The following DOHH variants were observed in gnomAD, a reference collection of about 807,000 sequenced individuals.
DOHH encodes the protein deoxyhypusine hydroxylase, also known as HEAT-like (PBS lyase) repeat containing 1.
Under a neutral mutation model 19.9 loss-of-function variants are expected in DOHH, and 16 were observed. The observed-to-expected ratio is 0.80, with a 90% CI of 0.54 to 1.22. The LOEUF is 1.22. Among genes scored for constraint, DOHH ranks in the 50% most tolerant of loss-of-function variants. The pLI is 0.00. For synonymous variants in DOHH, 233 were observed against 217.0 expected (o/e 1.07, Z -0.65); for missense variants, 460 against 460.6 (o/e 1.00, Z 0.01).
chr19:3,496,390 G>A lies in DOHH; in HGVS notation c.274+151C>T. The A allele has an allele frequency of 8.3e-7, 1 of 1,207,766 alleles. No individual in the cohort carries two copies. The highest frequency in any genetic ancestry group is 1.4e-5 in the South Asian group (1 of 69,012). The allele number at this position is 1,207,766 out of a possible 1,614,324, so 74.8% of individuals were successfully genotyped here. The stretch of plus-strand genomic sequence containing the variant: ...CGCTGGCTTTATTGAGTCGCTGTCT[G>A]GCTGCAGAGCTGCAGGTATTTACTA... On this transcript the variant is annotated intron_variant, in intron 2 of 4. Coordinates refer to ENST00000427575, the MANE Select transcript of DOHH (RefSeq NM_001145165.2). This position sits in a 1 kb window ranked among gnomAD's most constrained non-coding sequence, Gnocchi z 4.8.
chr19:3,498,117 C>T (rs1304439391), intron 1 of DOHH, among the ~76,000 whole-genome samples: 3 of 152,150 alleles, frequency 2.0e-5, no homozygotes, highest in Admixed American at 1.3e-4. Context: ...ACTCCAGCCA[C>T]ACAGGCCTCC....
In DOHH at chr19:3,494,096, G is replaced by T. The variant is rs374317949; in HGVS notation, c.283C>A (p.Leu95Met). ...PMVRHEAGEA[L>M]GAIGDPEVLE... ...ACTTCCGGGTCCCCGATGGCCCCCA[G>T]GGCCTCCCCTGGGAAGAAGCAGCCG... is the stretch of plus-strand genomic sequence containing the variant. Residue 95 changes from leucine to methionine, a missense_variant, in exon 3 of 5, where the codon CTG becomes ATG. By Grantham distance (15) the Leu-to-Met change is conservative. Transcript: ENST00000427575. 217 of 1,613,530 alleles carry T rather than the reference G, an allele frequency of 1.3e-4. No individual in the cohort carries two copies. Among genetic ancestry groups the T allele is most frequent in the Non-Finnish European group, 1.6e-4 (190 of 1,179,662 alleles).
At chr19:3,492,163 C>G in intron 4 of DOHH, 99 bp downstream of exon 4, 2 of 1,140,636 alleles carry the variant, frequency 1.8e-6, no homozygotes, top group Non-Finnish European at 2.3e-6. Context: ...CCCGGGATGC[C>G]GTTCCCGGGG....
At chr19:3,497,610 G>C (rs2082918759) in intron 1 of DOHH, among the ~76,000 whole-genome samples, 1 of 152,130 alleles carries the variant, frequency 6.6e-6, no homozygotes, top group African/African-American at 2.4e-5. Flanking sequence ...TACTGTTGTT[G>C]AAGGTAACCA....
In DOHH at chr19:3,496,586, C is replaced by T. The variant is rs199973947; in HGVS notation, c.229G>A (p.Val77Met). 46 of 1,613,864 alleles carry T rather than the reference C, an allele frequency of 2.9e-5. No individual in the cohort carries two copies. The East Asian group carries it at 4.0e-4, about 14-fold the overall frequency. Reference sequence around the variant, plus strand: ...GGCTCCTGACGGGTGTCTTGCAGCACGTCCACCAGCATGGGGATGGCGCGG... The same window carrying T: ...GGCTCCTGACGGGTGTCTTGCAGCATGTCCACCAGCATGGGGATGGCGCGG... ...DARAIPMLVD[V>M]LQDTRQEPMV... is the part of the protein sequence containing the mutation. Residue 77 changes from valine to methionine, a missense_variant, in exon 2 of 5, where the codon GTG becomes ATG. Val to Met is a conservative substitution (Grantham distance 21). Coordinates refer to ENST00000427575, the MANE Select transcript of DOHH (RefSeq NM_001145165.2). This position sits in a 1 kb window ranked among gnomAD's most constrained non-coding sequence, Gnocchi z 4.8.
intron 3 of DOHH, among the ~76,000 whole-genome samples, chr19:3,493,063 A>G (rs772812183): frequency 6.6e-6 from 1 of 152,256 alleles, no homozygotes; most frequent in Non-Finnish European, 1.5e-5. Context: ...GGCATAACTC[A>G]TAACAGCTAA....
Position 3,496,399 on chromosome 19 carries a change from G to C in DOHH, c.274+142C>G. 1 of 1,261,818 alleles carries C rather than the reference G, an allele frequency of 7.9e-7. No individual in the cohort carries two copies. The highest frequency in any genetic ancestry group is 1.1e-6 in the Non-Finnish European group (1 of 913,412). 78.2% of individuals were successfully genotyped at this position (1,261,818 alleles called of 1,614,324 possible). A position where few individuals can be genotyped will look rare whatever the true frequency, so the allele number is the denominator to read the frequency against. On this transcript the variant is annotated intron_variant, in intron 2 of 4. Coordinates refer to ENST00000427575, the MANE Select transcript of DOHH (RefSeq NM_001145165.2). This position sits in a 1 kb window ranked among gnomAD's most constrained non-coding sequence, Gnocchi z 4.8. ...TATTGAGTCGCTGTCTGGCTGCAGAGCTGCAGGTATTTACTATCTGGTGCT... is the reference window on the plus strand; with the variant it reads ...TATTGAGTCGCTGTCTGGCTGCAGACCTGCAGGTATTTACTATCTGGTGCT...
intron 1 of DOHH, among the ~76,000 whole-genome samples, chr19:3,497,776 C>A (rs374453634): frequency 1.4e-4 from 22 of 152,194 alleles, no homozygotes; most frequent in African/African-American, 5.1e-4. Context: ...AGGCACACAC[C>A]AGCATGCCCA....
At chr19:3,495,675 C>T (rs1311137745) in intron 2 of DOHH, among the ~76,000 whole-genome samples, 1 of 152,050 alleles carries the variant, frequency 6.6e-6, no homozygotes, top group Non-Finnish European at 1.5e-5. Flanking sequence ...TTTGGGAGGC[C>T]GAGGCAGGTG....
In DOHH at chr19:3,491,528, C is replaced by A; in HGVS notation, c.873G>T (p.Ala291=). 6.5e-7 allele frequency: 1 copy of A among 1,535,478 alleles called. No individual in the cohort carries two copies. Among genetic ancestry groups the A allele is most frequent in the Non-Finnish European group, 8.7e-7 (1 of 1,146,662 alleles). Residue 291 remains alanine (A), a synonymous_variant, in exon 5 of 5, where the codon GCG becomes GCT. Transcript: ENST00000427575. This position sits in a 1 kb window ranked among gnomAD's most constrained non-coding sequence, Gnocchi z 5.6. Reference sequence around the variant, plus strand: ...CCCCGCGCAGCTGCTCCAGGCCGTCCGCGTACTGGAAGGCCCGCCCGGTCT... The same window carrying A: ...CCCCGCGCAGCTGCTCCAGGCCGTCAGCGTACTGGAAGGCCCGCCCGGTCT... The part of the protein sequence containing the change: ...EHETGRAFQY[A]DGLEQLRGAP...
chr19:3,496,657 A>C lies in DOHH; in HGVS notation c.158T>G (p.Leu53Arg). The change falls in exon 2 of 5, where the codon CTG (leucine) becomes CGG (arginine). Residue 53 changes from leucine to arginine, a missense_variant. Transcript: ENST00000427575. This position sits in a 1 kb window ranked among gnomAD's most constrained non-coding sequence, Gnocchi z 4.8. ...GCAGTAGGCCAGCTCGTGCTTGAGC[A>C]GGGCGGAATCGTCATCGAAGGCCTG... Reference protein sequence around the residue: ...ISQAFDDDSALLKHELAYCLG... With the variant: ...ISQAFDDDSARLKHELAYCLG... 1.2e-6 allele frequency: 2 copies of C among 1,614,022 alleles called. No individual in the cohort carries two copies. The highest frequency in any genetic ancestry group is 1.7e-6 in the Non-Finnish European group (2 of 1,180,010).
At chr19:3,492,237 C>T (rs1338951988) in intron 4 of DOHH, 25 bp downstream of exon 4, 2 of 1,448,242 alleles carry the variant, frequency 1.4e-6, no homozygotes, top group African/African-American at 3.0e-5. Context: ...CTGCCCAGGA[C>T]CCCACCCCAG....
chr19:3,493,333 A>G (rs4807477), intron 3 of DOHH, among the ~76,000 whole-genome samples: 61,030 of 151,954 alleles, frequency 0.4, 13,956 homozygotes, highest in East Asian at 0.68. Flanking sequence ...TTTTTGGGCC[A>G]GGCGCGGTGG....
intron 1 of DOHH, among the ~76,000 whole-genome samples, chr19:3,497,435 C>T (rs965620125): frequency 3.3e-5 from 5 of 152,186 alleles, no homozygotes; most frequent in Non-Finnish European, 5.9e-5. Context: ...CTGAGCCCTC[C>T]CACCAACAGC....
rs1048497620 is a variant in DOHH, at chr19:3,495,932, A to G, written c.274+609T>C. On this transcript the variant is annotated intron_variant, in intron 2 of 4. Coordinates refer to ENST00000427575, the MANE Select transcript of DOHH (RefSeq NM_001145165.2). The stretch of plus-strand genomic sequence containing the variant: ...TCAAAACAAACAAATAAATGGTTTA[A>G]AACAAAAAATCAAAGGGATAGTACT... 7.9e-5 allele frequency among the ~76,000 whole-genome samples: 12 copies of G among 152,354 alleles called. No homozygotes were observed. The East Asian group carries it at 2.3e-3, about 29-fold the overall frequency.
chr19:3,491,802 C>A lies in DOHH; in HGVS notation c.599G>T (p.Cys200Phe), dbSNP rs1216325199. ...AALALAEGLH[C>F]GSALFRHEVG... ...CTCGTGGCGGAAGAGGGCGCTCCCA[C>A]AGTGCAGACCTGCAGGGGAGAGGGA... The change falls in exon 5 of 5, where the codon TGT becomes TTT. Residue 200 changes from cysteine to phenylalanine, a missense_variant. Transcript: ENST00000427575. The surrounding 1 kb of genome is among the most constrained non-coding windows in gnomAD (Gnocchi z 5.6). 6 of 1,479,180 alleles carry A rather than the reference C, an allele frequency of 4.1e-6. No homozygotes were observed. The highest frequency in any genetic ancestry group is 2.6e-5 in the East Asian group (1 of 38,252). 91.6% of individuals were successfully genotyped at this position (1,479,180 alleles called of 1,614,324 possible). A position where few individuals can be genotyped will look rare whatever the true frequency, so the allele number is the denominator to read the frequency against.
chr19:3,491,208 C>T lies in DOHH; in HGVS notation c.*284G>A, dbSNP rs999947746. On this transcript the variant is annotated 3_prime_UTR_variant, in exon 5 of 5. Transcript: ENST00000427575. The surrounding 1 kb of genome is among the most constrained non-coding windows in gnomAD (Gnocchi z 5.6). ...GGCTTCCCTCGCAATCCTCCCCTGT[C>T]CTGAGCCGGGCATCCCAGAGCCTCC... 5.7e-6 allele frequency: 3 copies of T among 526,362 alleles called. No individual in the cohort carries two copies. Among genetic ancestry groups the T allele is most frequent in the African/African-American group, 2.0e-5 (1 of 49,374 alleles). 32.6% of individuals were successfully genotyped at this position (526,362 alleles called of 1,614,324 possible).
At position 3,492,430 on chromosome 19, in the gene DOHH, C is replaced by A; in HGVS notation, c.421G>T (p.Ala141Ser). The A allele has an allele frequency of 6.7e-7, 1 of 1,492,228 alleles. No homozygotes were observed. The highest frequency in any genetic ancestry group is 1.3e-5 in the South Asian group (1 of 78,974). 92.4% of individuals were successfully genotyped at this position (1,492,228 alleles called of 1,614,324 possible). A position where few individuals can be genotyped will look rare whatever the true frequency, so the allele number is the denominator to read the frequency against. The change falls in exon 4 of 5, where the codon GCG (alanine) becomes TCG (serine). Residue 141 changes from alanine (A) to serine (S), a missense_variant. By Grantham distance (99) the Ala-to-Ser change is moderately conservative. Transcript: ENST00000427575. Reference protein sequence around the residue: ...WLQQHGGEPAAGPYLSVDPAP... With the variant: ...WLQQHGGEPASGPYLSVDPAP... ...GGGTCCACGGAGAGGTAGGGTCCCGCCGCCGGCTCCCCGCCGTGCTGCTGC... is the reference window on the plus strand; with the variant it reads ...GGGTCCACGGAGAGGTAGGGTCCCGACGCCGGCTCCCCGCCGTGCTGCTGC...
intron 3 of DOHH, among the ~76,000 whole-genome samples, chr19:3,493,813 G>A (rs1255816121): frequency 6.6e-6 from 1 of 152,134 alleles, no homozygotes; most frequent in Non-Finnish European, 1.5e-5. Context: ...GAGCAAAGCT[G>A]GTTGTCGCCG....
Sources: allele counts gnomAD v4.1 joint callset (sites outside exome capture counted in the v4.1 genomes callset), GRCh38; gene constraint gnomAD v4.1.1; non-coding constraint Gnocchi (gnomAD v3.1); transcripts MANE v1.5; gene names NCBI Gene and HGNC (gene_info 2026-07-23, HGNC 2026-07-21).